Variants in GLS observed in about 807,000 individuals in gnomAD.
GLS encodes the protein glutaminase kidney isoform, mitochondrial.
Under a neutral mutation model 86.7 loss-of-function variants are expected in GLS, and 36 were observed. That is an observed-to-expected ratio of 0.42 (90% CI 0.32 to 0.55). GLS has a LOEUF of 0.55. GLS is among the 20% of genes least tolerant of loss of function. The pLI is 0.17. For synonymous variants in GLS, 317 were observed against 305.9 expected (o/e 1.04, Z -0.38); for missense variants, 528 against 833.4 (o/e 0.63, Z 4.51).
rs901112286 is a variant in GLS at position 190,897,622 on chromosome 2, T to C, written c.605+1897T>C. 1.3e-5 allele frequency among the ~76,000 whole-genome samples: 2 copies of C among 152,210 alleles called. No homozygotes were observed. Among genetic ancestry groups the C allele is most frequent in the South Asian group, 2.1e-4 (1 of 4,834 alleles). Reference sequence around the variant, plus strand: ...TCAAAACCTCCAACTGTTAACCTTTTAATAGCTTTCAGTCACCTGGAAAGG... The same window carrying C: ...TCAAAACCTCCAACTGTTAACCTTTCAATAGCTTTCAGTCACCTGGAAAGG... On this transcript the variant is annotated intron_variant, in intron 3 of 17. Transcript: ENST00000320717. This position sits in a 1 kb window ranked among gnomAD's most constrained non-coding sequence, Gnocchi z 4.3.
At chr2:190,934,150 G>A (rs980698270) in intron 14 of GLS, 2 of 983,386 alleles carry the variant, frequency 2.0e-6, no homozygotes, top group Admixed American at 6.2e-5. Context: ...TTTTAGTGGG[G>A]GATTAGAAGA....
Position 190,895,044 on chromosome 2 carries a change from T to C in GLS, c.387-108T>C, listed in dbSNP as rs1247235710. The C allele has an allele frequency of 1.1e-5, 6 of 566,744 alleles. No individual in the cohort carries two copies. The allele number at this position is 566,744 out of a possible 1,614,324, so 35.1% of individuals were successfully genotyped here. ...TATTATGACTGTAGTCTTGAGTATA[T>C]GAGCTCAGCTGTAGTCTAGTTTAGT... On this transcript the variant is annotated intron_variant, in intron 1 of 17. Coordinates refer to ENST00000320717, the MANE Select transcript of GLS (RefSeq NM_014905.5). The surrounding 1 kb of genome is among the most constrained non-coding windows in gnomAD (Gnocchi z 4.2).
At chr2:190,886,771 C>T (rs897467928) in intron 1 of GLS, among the ~76,000 whole-genome samples, 21 of 151,922 alleles carry the variant, frequency 1.4e-4, no homozygotes, top group Non-Finnish European at 2.9e-4. Flanking sequence ...CAAAAATTAG[C>T]CAGGAGTGGT....
intron 1 of GLS, among the ~76,000 whole-genome samples, chr2:190,891,581 A>G (rs1171210524): frequency 1.3e-5 from 2 of 152,166 alleles, no homozygotes. Flanking sequence ...TAATTTATAG[A>G]GAACTGCATA....
In GLS at chr2:190,905,097, A is replaced by G. The variant is rs113358467; in HGVS notation, c.909A>G (p.Glu303=). 2 of 1,602,930 alleles carry G rather than the reference A, an allele frequency of 1.2e-6. No individual in the cohort carries two copies. Among genetic ancestry groups the G allele is most frequent in the East Asian group, 4.5e-5 (2 of 44,762 alleles). The change falls in exon 6 of 18, where the codon GAA becomes GAG. Residue 303 remains glutamate (E), a synonymous_variant. Transcript: ENST00000320717. This position sits in a 1 kb window ranked among gnomAD's most constrained non-coding sequence, Gnocchi z 4.6. ...YAIAVNDLGT[E]YVHRYVGKEP... is the part of the protein sequence containing the mutation. ...TTGCTGTTAATGATCTTGGAACTGA[A>G]TATGTGCATCGATATGTTGGAAAAG...
At chr2:190,885,367 T>C (rs2125973234) in intron 1 of GLS, among the ~76,000 whole-genome samples, 1 of 152,154 alleles carries the variant, frequency 6.6e-6, no homozygotes, top group African/African-American at 2.4e-5. Context: ...AATTTTTGTT[T>C]TTAGTAGAGA....
At chr2:190,933,627 AG>A (rs1405218719) in intron 14 of GLS, 19 of 949,692 alleles carry the variant, frequency 2.0e-5, no homozygotes, top group Non-Finnish European at 2.0e-5. Flanking sequence ...TTAGTTACTC[AG>A]AAGGAGAAAC....
At position 190,895,924 on chromosome 2, in the gene GLS, C is replaced by G. The variant is rs773767322; in HGVS notation, c.605+199C>G. 5.5e-5 allele frequency: 20 copies of G among 360,666 alleles called. No homozygotes were observed. Among genetic ancestry groups the G allele is most frequent in the African/African-American group, 1.0e-4 (5 of 48,232 alleles). The allele number at this position is 360,666 out of a possible 1,614,324, so 22.3% of individuals were successfully genotyped here. A position where few individuals can be genotyped will look rare whatever the true frequency, so the allele number is the denominator to read the frequency against. ...GGCTAAGAGTATTCTTTCTTTAAAT[C>G]TGTTCTAAGCAAATTTAGCCACCGA... is the stretch of plus-strand genomic sequence containing the variant. On this transcript the variant is annotated intron_variant, in intron 3 of 17. Transcript: ENST00000320717. The surrounding 1 kb of genome is among the most constrained non-coding windows in gnomAD (Gnocchi z 4.2).
chr2:190,932,675 C>G (rs538263079), intron 14 of GLS: 1 of 1,473,652 alleles, frequency 6.8e-7, no homozygotes. Flanking sequence ...TTTCTTCACT[C>G]AAGTGCACTA....
chr2:190,886,100 T>G (rs1688370896), intron 1 of GLS, among the ~76,000 whole-genome samples: 1 of 152,080 alleles, frequency 6.6e-6, no homozygotes, highest in South Asian at 2.1e-4. Context: ...CTCGACCTCC[T>G]GACCTTGTGA....
At chr2:190,882,281 T>C (rs979449574) in intron 1 of GLS, among the ~76,000 whole-genome samples, 4 of 152,242 alleles carry the variant, frequency 2.6e-5, no homozygotes, top group Admixed American at 2.0e-4. Context: ...GAGTAGGTTT[T>C]GTGACTTCAT....
At chr2:190,889,299 A>G (rs1487378263) in intron 1 of GLS, among the ~76,000 whole-genome samples, 1 of 152,170 alleles carries the variant, frequency 6.6e-6, no homozygotes, top group African/African-American at 2.4e-5. Context: ...ATTATAAGAG[A>G]TCTTACAAAC....
chr2:190,924,905 C>T lies in GLS; in HGVS notation c.1248+312C>T. 1 of 229,974 alleles carries T rather than the reference C, an allele frequency of 4.3e-6. No individual in the cohort carries two copies. The highest frequency in any genetic ancestry group is 8.6e-6 in the Non-Finnish European group (1 of 116,776). 14.2% of individuals were successfully genotyped at this position (229,974 alleles called of 1,614,324 possible). ...ATTCCAGCCTGGCGACACAGTGAGACTCCGTCTCAAAATAAATAAATGGAT... is the reference window on the plus strand; with the variant it reads ...ATTCCAGCCTGGCGACACAGTGAGATTCCGTCTCAAAATAAATAAATGGAT... On this transcript the variant is annotated intron_variant, in intron 11 of 17. Coordinates refer to ENST00000320717, the MANE Select transcript of GLS (RefSeq NM_014905.5). This position sits in a 1 kb window ranked among gnomAD's most constrained non-coding sequence, Gnocchi z 5.2.
At chr2:190,908,695 G>A (rs908053758) in intron 6 of GLS, among the ~76,000 whole-genome samples, 1 of 152,202 alleles carries the variant, frequency 6.6e-6, no homozygotes, top group Non-Finnish European at 1.5e-5. Context: ...GTCTTAGGCC[G>A]AGGTTTTATA....
intron 14 of GLS, among the ~76,000 whole-genome samples, chr2:190,941,378 T>C (rs1261110537): frequency 1.3e-5 from 2 of 152,194 alleles, no homozygotes; most frequent in South Asian, 2.1e-4. Context: ...ATATGCAATG[T>C]AGTTACTAAT....
At chr2:190,925,793 C>G (rs1161101391) in intron 11 of GLS, among the ~76,000 whole-genome samples, 1 of 152,136 alleles carries the variant, frequency 6.6e-6, no homozygotes, top group Non-Finnish European at 1.5e-5. Flanking sequence ...AATTTAAGGT[C>G]TAGCCTGGCC....
chr2:190,906,968 C>A (rs1160518034), intron 6 of GLS, among the ~76,000 whole-genome samples: 3 of 145,414 alleles, frequency 2.1e-5, no homozygotes, highest in Non-Finnish European at 4.5e-5. Context: ...CTGGCTCTGT[C>A]CCCCAGGCTG....
chr2:190,916,801 A>G (rs534870309), intron 7 of GLS, among the ~76,000 whole-genome samples: 58 of 152,286 alleles, frequency 3.8e-4, no homozygotes, highest in South Asian at 1.2e-3. Flanking sequence ...ACCAATGCAT[A>G]CGGAAGTTGT....
chr2:190,944,216 A>G (rs1424484706), intron 14 of GLS, among the ~76,000 whole-genome samples: 1 of 148,080 alleles, frequency 6.8e-6, no homozygotes, highest in Non-Finnish European at 1.5e-5. Context: ...TTTGTTTAAT[A>G]TGTGTATTTG....
Sources: allele counts gnomAD v4.1 joint callset (sites outside exome capture counted in the v4.1 genomes callset), GRCh38; gene constraint gnomAD v4.1.1; non-coding constraint Gnocchi (gnomAD v3.1); transcripts MANE v1.5; gene names NCBI Gene and HGNC (gene_info 2026-07-23, HGNC 2026-07-21).